GULP1: variants seen among roughly 807,000 people sequenced by gnomAD.
GULP1 encodes GULP PTB domain containing engulfment adaptor 1, also known as PTB domain-containing engulfment adapter protein 1.
In GULP1, 19 loss-of-function variants were observed where a neutral mutation model predicts 40.9. The observed-to-expected ratio is 0.46, with a 90% CI of 0.32 to 0.68. The LOEUF (loss-of-function observed/expected upper bound fraction) is 0.68, where lower values mean the gene tolerates loss of function less well. GULP1 is among the 30% of genes least tolerant of loss of function. GULP1 has a pLI of 0.03. For missense variants in GULP1, 312 were observed against 362.2 expected (o/e 0.86, Z 1.12); for synonymous variants, 119 against 117.6 (o/e 1.01, Z -0.08).
chr2:188,417,273 A>G (rs1162819133), intron 2 of GULP1, among the ~76,000 whole-genome samples: 1 of 152,178 alleles, frequency 6.6e-6, no homozygotes, highest in Non-Finnish European at 1.5e-5. Context: ...AGCATGGCTC[A>G]TTGGATTATA....
At chr2:188,421,733 G>T (rs959878539) in intron 2 of GULP1, among the ~76,000 whole-genome samples, 2 of 152,130 alleles carry the variant, frequency 1.3e-5, no homozygotes, top group Non-Finnish European at 2.9e-5. Flanking sequence ...TCTTGCTGGG[G>T]AGTGGGCCAC....
At chr2:188,567,130 A>T (rs1301408582) in intron 7 of GULP1, among the ~76,000 whole-genome samples, 2 of 152,132 alleles carry the variant, frequency 1.3e-5, no homozygotes, top group Admixed American at 1.3e-4. Context: ...GTCAGGAAAA[A>T]ATAGATGCTG....
chr2:188,586,281 C>T (rs1204674129), intron 10 of GULP1, among the ~76,000 whole-genome samples: 1 of 152,200 alleles, frequency 6.6e-6, no homozygotes, highest in Non-Finnish European at 1.5e-5. Context: ...CACTCCAAGT[C>T]ACTTCTTGTC....
intron 1 of GULP1, among the ~76,000 whole-genome samples, chr2:188,309,325 G>A (rs1413743074): frequency 1.3e-5 from 2 of 152,060 alleles, no homozygotes; most frequent in Non-Finnish European, 2.9e-5. Context: ...AAATAGCCTG[G>A]CATGGGGATG....
At chr2:188,532,836 G>A (rs1479770962) in intron 6 of GULP1, among the ~76,000 whole-genome samples, 5 of 151,692 alleles carry the variant, frequency 3.3e-5, no homozygotes, top group East Asian at 1.9e-4. Flanking sequence ...CAGGAGAATC[G>A]CTTGAACCCG....
intron 4 of GULP1, among the ~76,000 whole-genome samples, chr2:188,501,953 GTGTTT>G (rs2063474472): frequency 6.6e-6 from 1 of 151,732 alleles, no homozygotes; most frequent in Admixed American, 6.6e-5. Flanking sequence ...AACACTTTTT[GTGTTT>G]TTACCTCTGT....
At chr2:188,417,514 A>G (rs937862096) in intron 2 of GULP1, among the ~76,000 whole-genome samples, 2 of 152,220 alleles carry the variant, frequency 1.3e-5, no homozygotes, top group Non-Finnish European at 2.9e-5. Context: ...AAAATATATC[A>G]CTATAGAATG....
At chr2:188,569,800 A>T (rs1698635521) in intron 8 of GULP1, among the ~76,000 whole-genome samples, 1 of 152,152 alleles carries the variant, frequency 6.6e-6, no homozygotes, top group South Asian at 2.1e-4. Context: ...CAATGTTGAG[A>T]TATTAGGAAC....
chr2:188,564,091 T>C (rs1697032541), intron 7 of GULP1, among the ~76,000 whole-genome samples: 1 of 151,918 alleles, frequency 6.6e-6, no homozygotes, highest in African/African-American at 2.4e-5. Flanking sequence ...ATTTATAGCA[T>C]GCTAGGAATA....
chr2:188,493,253 C>T (rs564426480), intron 4 of GULP1, among the ~76,000 whole-genome samples: 14 of 152,086 alleles, frequency 9.2e-5, no homozygotes, highest in Non-Finnish European at 2.9e-5. Context: ...TTCTTTGCCT[C>T]AGAACATTAG....
rs372541309 is a variant in GULP1, at chr2:188,484,148, T to C, written c.90+656T>C. On this transcript the variant is annotated intron_variant, in intron 4 of 11. Transcript: ENST00000409830. ...GTCTCGAACTCCTGACCTCAAGTGG[T>C]CCACCTGCCTCAGCCCCCCAAAGTG... is the stretch of plus-strand genomic sequence containing the variant. Among the ~76,000 whole-genome samples the C allele has an allele frequency of 2.6e-4, 40 of 152,198 alleles. 1 individual carries two copies. The highest frequency in any genetic ancestry group is 9.4e-4 in the African/African-American group (39 of 41,528).
intron 7 of GULP1, among the ~76,000 whole-genome samples, chr2:188,557,214 G>T (rs557886986): frequency 1.3e-5 from 2 of 152,132 alleles, no homozygotes; most frequent in South Asian, 4.1e-4. Flanking sequence ...TACCTTTCCA[G>T]CAGTCCCCAA....
intron 4 of GULP1, among the ~76,000 whole-genome samples, chr2:188,499,778 A>G (rs572665325): frequency 1.3e-5 from 2 of 151,910 alleles, no homozygotes; most frequent in African/African-American, 2.4e-5. Flanking sequence ...TAGTCTACCT[A>G]TTTACATATG....
intron 4 of GULP1, among the ~76,000 whole-genome samples, chr2:188,489,807 A>G (rs1163005257): frequency 6.6e-6 from 1 of 152,088 alleles, no homozygotes; most frequent in East Asian, 1.9e-4. Flanking sequence ...ATGAAAGCAA[A>G]TAAAAGTGTA....
At chr2:188,467,533 A>G (rs369098286) in intron 2 of GULP1, among the ~76,000 whole-genome samples, 1 of 151,998 alleles carries the variant, frequency 6.6e-6, no homozygotes, top group African/African-American at 2.4e-5. Context: ...TTTTGTAGTC[A>G]TCTAGGAGAA....
chr2:188,490,088 A>G (rs1423542885), intron 4 of GULP1, among the ~76,000 whole-genome samples: 1 of 152,108 alleles, frequency 6.6e-6, no homozygotes, highest in Non-Finnish European at 1.5e-5. Context: ...ATTACATTTC[A>G]GTATTTACTA....
chr2:188,352,450 C>A (rs2044580163), intron 1 of GULP1, among the ~76,000 whole-genome samples: 1 of 152,064 alleles, frequency 6.6e-6, no homozygotes, highest in Non-Finnish European at 1.5e-5. Context: ...GATTCTCAGG[C>A]CTTTGTACTC....
At chr2:188,334,699 A>G (rs561117009) in intron 1 of GULP1, among the ~76,000 whole-genome samples, 13 of 152,366 alleles carry the variant, frequency 8.5e-5, no homozygotes, top group African/African-American at 2.9e-4. Context: ...TCCAAATTGT[A>G]AACAGATCTC....
intron 1 of GULP1, among the ~76,000 whole-genome samples, chr2:188,370,946 C>G (rs1445713899): frequency 1.3e-5 from 2 of 152,058 alleles, no homozygotes; most frequent in Non-Finnish European, 2.9e-5. Flanking sequence ...TTTTTCTCCT[C>G]TCTTTAACAC....
Sources: allele counts gnomAD v4.1 joint callset (sites outside exome capture counted in the v4.1 genomes callset), GRCh38; gene constraint gnomAD v4.1.1; transcripts MANE v1.5; gene names NCBI Gene and HGNC (gene_info 2026-07-23, HGNC 2026-07-21).